SPTBN2: variants seen among roughly 807,000 people sequenced by gnomAD.
SPTBN2 encodes the protein spectrin beta chain, non-erythrocytic 2.
A neutral mutation model predicts 284.2 loss-of-function variants in SPTBN2; 107 were observed. The observed-to-expected ratio is 0.38, with a 90% CI of 0.32 to 0.44. SPTBN2 has a LOEUF of 0.44. Among genes scored for constraint, SPTBN2 ranks in the 20% least tolerant of loss-of-function variants. The pLI is 1.00. For missense variants in SPTBN2, 2,569 were observed against 3,287.1 expected, an observed-to-expected ratio of 0.78 and a Z score of 5.34; for synonymous variants, 1,289 against 1,354.8, an observed-to-expected ratio of 0.95 and a Z score of 1.07.
chr11:66,696,626 T>C, intron 20 of SPTBN2, 86 bp from the exon 21 acceptor site: 3 of 1,558,596 alleles, frequency 1.9e-6, no homozygotes, highest in Admixed American at 1.7e-5. Flanking sequence ...TTACGGGCAG[T>C]AGAGACCTGA....
intron 20 of SPTBN2, among the ~76,000 whole-genome samples, chr11:66,698,190 T>A (rs1303368246): frequency 6.6e-6 from 1 of 152,208 alleles, no homozygotes; most frequent in South Asian, 2.1e-4. Context: ...AATAAAGTTT[T>A]ATTGGGAAAC....
intron 15 of SPTBN2, among the ~76,000 whole-genome samples, chr11:66,704,332 G>A (rs1033084602): frequency 3.3e-5 from 5 of 152,166 alleles, no homozygotes; most frequent in Admixed American, 2.6e-4. Flanking sequence ...TGCTAATCTT[G>A]GGGATTTGCT....
At chr11:66,704,521 G>A (rs958058454) in intron 15 of SPTBN2, 77 bp downstream of exon 15, 27 of 1,513,218 alleles carry the variant, frequency 1.8e-5, no homozygotes, top group South Asian at 1.2e-5. Flanking sequence ...AGTTTATGGA[G>A]GGACTCACCA....
In SPTBN2 at chr11:66,710,441, T is replaced by C. The variant is rs1290415818; in HGVS notation, c.1073+141A>G. 1 of 848,372 alleles carries C rather than the reference T, an allele frequency of 1.2e-6. No homozygotes were observed. Among genetic ancestry groups the C allele is most frequent in the Non-Finnish European group, 1.9e-6 (1 of 539,674 alleles). The allele number at this position is 848,372 out of a possible 1,614,324, so 52.6% of individuals were successfully genotyped here. The stretch of plus-strand genomic sequence containing the variant: ...AAAAAATTTTATTTTGTATCAACTA[T>C]GTTGTTTGGATGCTTCTGGTGTGGG... On this transcript the variant is annotated intron_variant, in intron 10 of 37. Coordinates refer to ENST00000533211, the MANE Select transcript of SPTBN2 (RefSeq NM_006946.4). This position sits in a 1 kb window ranked among gnomAD's most constrained non-coding sequence, Gnocchi z 4.9.
chr11:66,701,830 G>A, intron 15 of SPTBN2, 109 bp from the exon 16 acceptor site: 6 of 1,497,006 alleles, frequency 4.0e-6, no homozygotes, highest in Non-Finnish European at 5.5e-6. Flanking sequence ...TCACCAGGAG[G>A]CTTATCTGCA....
Position 66,693,035 on chromosome 11 carries a change from G to A in SPTBN2, c.4920C>T (p.Tyr1640=), listed in dbSNP as rs562923443. The A allele has an allele frequency of 2.6e-5, 42 of 1,613,284 alleles. No individual in the cohort carries two copies. In the East Asian group the frequency reaches 5.6e-4, roughly 21 times the overall value. Residue 1640 remains tyrosine, a synonymous_variant, in exon 25 of 38, where the codon TAC becomes TAT. Coordinates refer to ENST00000533211, the MANE Select transcript of SPTBN2 (RefSeq NM_006946.4). The surrounding 1 kb of genome is among the most constrained non-coding windows in gnomAD (Gnocchi z 5.7). ...HQVLEQALAD[Y]AQTIHQLAAS... ...CCGCCAGCTGGTGGATGGTCTGCGCGTAGTCGGCCAGGGCTTGCTCCAGCA... is the reference window on the plus strand; with the variant it reads ...CCGCCAGCTGGTGGATGGTCTGCGCATAGTCGGCCAGGGCTTGCTCCAGCA...
Position 66,704,833 on chromosome 11 carries a change from G to A in SPTBN2, c.2443C>T (p.Pro815Ser), listed in dbSNP as rs755012761. 1 of 1,607,840 alleles carries A rather than the reference G, an allele frequency of 6.2e-7. No individual in the cohort carries two copies. Among genetic ancestry groups the A allele is most frequent in the Non-Finnish European group, 8.5e-7 (1 of 1,179,476 alleles). The change falls in exon 15 of 38, where the codon CCC becomes TCC. Residue 815 changes from proline (P) to serine (S), a missense_variant. Transcript: ENST00000533211. ...ALREQAAALP[P>S]TLSRTPEVQS... is the part of the protein sequence containing the mutation. ...ACCTCGGGCGTGCGGCTCAGTGTGG[G>A]GGGCAGGGCTGCTGCCTGTTCCCTC...
At chr11:66,727,496 C>G (rs747790683) in intron 1 of SPTBN2, among the ~76,000 whole-genome samples, 1 of 152,244 alleles carries the variant, frequency 6.6e-6, no homozygotes, top group East Asian at 1.9e-4. Flanking sequence ...GGAACACCCC[C>G]GCGAGCAGGC....
At position 66,699,343 on chromosome 11, in the gene SPTBN2, A is replaced by G; in HGVS notation, c.3776+63T>C. 2.5e-6 allele frequency: 4 copies of G among 1,589,152 alleles called. No homozygotes were observed. The South Asian group carries it at 4.5e-5, about 18-fold the overall frequency. The stretch of plus-strand genomic sequence containing the variant: ...GTTTCCTGTGCCACGTTTATCTTTG[A>G]GGTCACCCTGTTTCTCCGATTCCCC... On this transcript the variant is annotated intron_variant, in intron 18 of 37. Coordinates refer to ENST00000533211, the MANE Select transcript of SPTBN2 (RefSeq NM_006946.4).
At chr11:66,686,244 CAG>C in intron 37 of SPTBN2, 140 bp from the exon 38 acceptor site, 1 of 1,387,156 alleles carries the variant, frequency 7.2e-7, no homozygotes, top group Non-Finnish European at 1.0e-6. Flanking sequence ...CCGGCTTAGA[CAG>C]GGAGTGCGGC....
intron 29 of SPTBN2, 104 bp downstream of exon 29, chr11:66,689,701 A>G: frequency 6.5e-7 from 1 of 1,549,904 alleles, no homozygotes; most frequent in Non-Finnish European, 8.8e-7. Flanking sequence ...GAGAGAATGA[A>G]AGGTTTCTTG....
In SPTBN2 at chr11:66,710,456, T is replaced by G. The variant is rs1941796611; in HGVS notation, c.1073+126A>C. The G allele has an allele frequency of 1.1e-6, 1 of 944,658 alleles. No homozygotes were observed. The highest frequency in any genetic ancestry group is 1.6e-6 in the Non-Finnish European group (1 of 612,540). The allele number at this position is 944,658 out of a possible 1,614,324, so 58.5% of individuals were successfully genotyped here. A position where few individuals can be genotyped will look rare whatever the true frequency, so the allele number is the denominator to read the frequency against. On this transcript the variant is annotated intron_variant, in intron 10 of 37. Coordinates refer to ENST00000533211, the MANE Select transcript of SPTBN2 (RefSeq NM_006946.4). The surrounding 1 kb of genome is among the most constrained non-coding windows in gnomAD (Gnocchi z 4.9). Reference sequence around the variant, plus strand: ...GTATCAACTATGTTGTTTGGATGCTTCTGGTGTGGGAAATCTCCACTGCAT... The same window carrying G: ...GTATCAACTATGTTGTTTGGATGCTGCTGGTGTGGGAAATCTCCACTGCAT...
Position 66,705,769 on chromosome 11 carries a change from C to T in SPTBN2, c.1722G>A (p.Glu574=), listed in dbSNP as rs143083152. 8.2e-4 allele frequency: 1,321 copies of T among 1,612,640 alleles called. No homozygotes were observed. Among genetic ancestry groups the T allele is most frequent in the Admixed American group, 3.0e-3 (178 of 59,974 alleles). ...GCACGGCGATGTCTGCCTCCACCAGCTCGTGCAGCTGCAGCAGGTCCTCCA... is the reference window on the plus strand; with the variant it reads ...GCACGGCGATGTCTGCCTCCACCAGTTCGTGCAGCTGCAGCAGGTCCTCCA... ...AGVEDLLQLH[E]LVEADIAVQA... The change falls in exon 14 of 38, where the codon GAG becomes GAA. Residue 574 remains glutamate, a synonymous_variant. Coordinates refer to ENST00000533211, the MANE Select transcript of SPTBN2 (RefSeq NM_006946.4).
Position 66,688,761 on chromosome 11 carries a change from C to T in SPTBN2, c.6123G>A (p.Leu2041=), listed in dbSNP as rs372034500. The T allele has an allele frequency of 1.1e-4, 174 of 1,613,494 alleles. 3 individuals are homozygous for T. In the South Asian group the frequency reaches 1.8e-3, roughly 16 times the overall value. Residue 2041 remains leucine (L), a synonymous_variant, in exon 31 of 38, where the codon CTG becomes CTA. Coordinates refer to ENST00000533211, the MANE Select transcript of SPTBN2 (RefSeq NM_006946.4). The part of the protein sequence containing the change: ...SQEPLVRSAE[L]GCTVDEVESL... ...TCTCAACTTCGTCGACCGTGCAACCCAGCTCAGCGCTGCGCACCAGTGGCT... is the reference window on the plus strand; with the variant it reads ...TCTCAACTTCGTCGACCGTGCAACCTAGCTCAGCGCTGCGCACCAGTGGCT...
At position 66,711,064 on chromosome 11, in the gene SPTBN2, G is replaced by A. The variant is rs771044245; in HGVS notation, c.773-35C>T. 9.5e-6 allele frequency: 15 copies of A among 1,574,222 alleles called. 1 individual carries two copies. The South Asian group carries it at 1.4e-4, about 15-fold the overall frequency. ...AGGACCATTTGGGTCAGGCCTCCCA[G>A]AAGTTCATCCATAACTTGCATCACT... On this transcript the variant is annotated intron_variant, in intron 8 of 37. Coordinates refer to ENST00000533211, the MANE Select transcript of SPTBN2 (RefSeq NM_006946.4).
In SPTBN2 at chr11:66,715,178, G is replaced by C; in HGVS notation, c.483+44C>G. The C allele has an allele frequency of 6.2e-7, 1 of 1,613,154 alleles. No homozygotes were observed. Reference sequence around the variant, plus strand: ...CAGCAGGAACGGCTTGCGGTGCAGAGCCAGGGCAGGAACCACACCCTGTGT... The same window carrying C: ...CAGCAGGAACGGCTTGCGGTGCAGACCCAGGGCAGGAACCACACCCTGTGT... On this transcript the variant is annotated intron_variant, in intron 5 of 37. Coordinates refer to ENST00000533211, the MANE Select transcript of SPTBN2 (RefSeq NM_006946.4). The surrounding 1 kb of genome is among the most constrained non-coding windows in gnomAD (Gnocchi z 5.3).
intron 1 of SPTBN2, among the ~76,000 whole-genome samples, chr11:66,736,761 C>T (rs914694362): frequency 3.3e-5 from 5 of 152,174 alleles, no homozygotes; most frequent in Non-Finnish European, 7.3e-5. Flanking sequence ...AAACCCAGGG[C>T]ACTCAGAGAA....
In SPTBN2 at chr11:66,694,389, T is replaced by C. The variant is rs766980537; in HGVS notation, c.4279-26A>G. 5 of 1,609,442 alleles carry C rather than the reference T, an allele frequency of 3.1e-6. No individual in the cohort carries two copies. The Admixed American group carries it at 8.4e-5, about 27-fold the overall frequency. On this transcript the variant is annotated intron_variant, in intron 21 of 37. Transcript: ENST00000533211. Reference sequence around the variant, plus strand: ...CTGCAAACCGCCAGGAGGAAGGACATGTTAGCTCTGCATTTCCGCCTTCAT... The same window carrying C: ...CTGCAAACCGCCAGGAGGAAGGACACGTTAGCTCTGCATTTCCGCCTTCAT...
chr11:66,689,117 TCTC>T lies in SPTBN2; in HGVS notation c.6010_6012del (p.Glu2004del). On this transcript the variant is annotated inframe_deletion, in exon 30 of 38. Transcript: ENST00000533211. ...TCACCCAGCTGAAGCCAGTCCATCT[TCTC>T]CTGCCACTTCTCAGCTGTCTCCTGG... The T allele has an allele frequency of 1.2e-6, 2 of 1,609,412 alleles. No individual in the cohort carries two copies. Among genetic ancestry groups the T allele is most frequent in the Non-Finnish European group, 1.7e-6 (2 of 1,177,872 alleles).
Sources: allele counts gnomAD v4.1 joint callset (sites outside exome capture counted in the v4.1 genomes callset), GRCh38; gene constraint gnomAD v4.1.1; non-coding constraint Gnocchi (gnomAD v3.1); transcripts MANE v1.5; gene names NCBI Gene and HGNC (gene_info 2026-07-23, HGNC 2026-07-21).